CFAP61: variants seen among roughly 807,000 people sequenced by gnomAD.
The protein encoded by CFAP61 is cilia- and flagella-associated protein 61.
Under a neutral mutation model 135.6 loss-of-function variants are expected in CFAP61, and 107 were observed. The ratio of observed to expected loss-of-function variants is 0.79; its 90% CI spans 0.67 to 0.93. The LOEUF (loss-of-function observed/expected upper bound fraction) is 0.93. Among genes scored for constraint, CFAP61 ranks in the 40% least tolerant of loss-of-function variants. CFAP61 has a pLI of 0.00. For synonymous variants in CFAP61, 575 were observed against 578.5 expected, an observed-to-expected ratio of 0.99 and a Z score of 0.09; for missense variants, 1,507 against 1,556.2, an observed-to-expected ratio of 0.97 and a Z score of 0.53.
At chr20:20,277,103 C>T in intron 21 of CFAP61, 63 bp from the exon 22 acceptor site, 1 of 1,309,772 alleles carries the variant, frequency 7.6e-7, no homozygotes, top group African/African-American at 1.5e-5. Flanking sequence ...GCATTATTAG[C>T]ATTTGACTAA....
In CFAP61 at chr20:20,052,568, C is replaced by A; in HGVS notation, c.-60C>A. The A allele has an allele frequency of 6.2e-7, 1 of 1,613,884 alleles. No individual in the cohort carries two copies. Reference sequence around the variant, plus strand: ...CCTCCTTGCGGCAGCGCGTGGAGTGCGGCGTCCTGGAGCTGCGGATGAGGT... The same window carrying A: ...CCTCCTTGCGGCAGCGCGTGGAGTGAGGCGTCCTGGAGCTGCGGATGAGGT... On this transcript the variant is annotated 5_prime_UTR_variant, in exon 1 of 27. Transcript: ENST00000245957.
chr20:20,142,417 T>C (rs993472626), intron 8 of CFAP61, among the ~76,000 whole-genome samples: 10 of 152,212 alleles, frequency 6.6e-5, no homozygotes, highest in African/African-American at 1.2e-4. Context: ...TGTGGCCTTT[T>C]CCACCTTCTG....
chr20:20,355,004 GGTCACACTGCA>G lies in CFAP61; in HGVS notation c.3514-5205_3514-5195del, dbSNP rs1569329704. Among the ~76,000 whole-genome samples the G allele has an allele frequency of 9.4e-5, 13 of 138,466 alleles. 1 individual carries two copies. Among genetic ancestry groups the G allele is most frequent in the East Asian group, 2.4e-4 (1 of 4,118 alleles). The allele number at this position is 138,466 out of a possible 152,430, so 90.8% of individuals were successfully genotyped here. ...GGAGGTGGTCACACTGAGGGGAGATGGTCACACTGCAAGAGGGGAGGTGATCACACTGAGGG... is the reference window on the plus strand; with the variant it reads ...GGAGGTGGTCACACTGAGGGGAGATGAGAGGGGAGGTGATCACACTGAGGG... On this transcript the variant is annotated intron_variant, in intron 26 of 26. Coordinates refer to ENST00000245957, the MANE Select transcript of CFAP61 (RefSeq NM_015585.4).
intron 25 of CFAP61, among the ~76,000 whole-genome samples, chr20:20,318,723 T>C (rs946428206): frequency 6.6e-6 from 1 of 152,170 alleles, no homozygotes; most frequent in African/African-American, 2.4e-5. Context: ...CTGGCTCCCA[T>C]GATGTGTCTG....
At chr20:20,143,439 C>T (rs1465393615) in intron 9 of CFAP61, among the ~76,000 whole-genome samples, 1 of 152,052 alleles carries the variant, frequency 6.6e-6, no homozygotes, top group Admixed American at 6.5e-5. Context: ...GATTATGTGG[C>T]ATGGATTAGA....
chr20:20,076,567 G>A (rs2046063858), intron 6 of CFAP61, among the ~76,000 whole-genome samples: 1 of 152,202 alleles, frequency 6.6e-6, no homozygotes. Flanking sequence ...AATGTAGAGT[G>A]GCTGTTTGGA....
Position 20,359,320 on chromosome 20 carries a change from T to A in CFAP61, c.3514-890T>A, listed in dbSNP as rs1224160661. 6.6e-6 allele frequency among the ~76,000 whole-genome samples: 1 copy of A among 152,108 alleles called. No individual in the cohort carries two copies. Among genetic ancestry groups the A allele is most frequent in the Non-Finnish European group, 1.5e-5 (1 of 68,018 alleles). On this transcript the variant is annotated intron_variant, in intron 26 of 26. Coordinates refer to ENST00000245957, the MANE Select transcript of CFAP61 (RefSeq NM_015585.4). This position sits in a 1 kb window ranked among gnomAD's most constrained non-coding sequence, Gnocchi z 4.0. ...AAGAAAACTTTTCATATAGGACCTTTCAAGTAAAAAGGTTTAATCACTCCT... is the reference window on the plus strand; with the variant it reads ...AAGAAAACTTTTCATATAGGACCTTACAAGTAAAAAGGTTTAATCACTCCT...
At chr20:20,261,517 C>T (rs1387650043) in intron 20 of CFAP61, among the ~76,000 whole-genome samples, 1 of 152,172 alleles carries the variant, frequency 6.6e-6, no homozygotes, top group African/African-American at 2.4e-5. Context: ...CCTCTGCTTG[C>T]CCCCTTTTTC....
chr20:20,170,863 A>G (rs977587032), intron 13 of CFAP61, among the ~76,000 whole-genome samples: 23 of 152,342 alleles, frequency 1.5e-4, no homozygotes, highest in African/African-American at 4.6e-4. Flanking sequence ...CAATAATAGT[A>G]CAAGTACTAA....
intron 13 of CFAP61, 44 bp downstream of exon 13, chr20:20,169,504 C>T: frequency 6.6e-7 from 1 of 1,511,948 alleles, no homozygotes; most frequent in Non-Finnish European, 8.9e-7. Flanking sequence ...CATGAAATTA[C>T]AGAAGAGAAG....
intron 2 of CFAP61, among the ~76,000 whole-genome samples, chr20:20,066,306 A>G (rs1210532010): frequency 2.0e-5 from 3 of 152,200 alleles, no homozygotes; most frequent in Non-Finnish European, 4.4e-5. Context: ...ATACCACTTG[A>G]CCCAGCAATC....
intron 19 of CFAP61, among the ~76,000 whole-genome samples, chr20:20,250,086 C>A (rs2050768062): frequency 6.6e-6 from 1 of 152,132 alleles, no homozygotes; most frequent in Admixed American, 6.5e-5. Flanking sequence ...TTTCACAGGT[C>A]CTGTAACAAG....
rs542138758 is a variant in CFAP61, at chr20:20,203,875, C to T, written c.1932+3973C>T. 9.9e-5 allele frequency among the ~76,000 whole-genome samples: 15 copies of T among 152,172 alleles called. No individual in the cohort carries two copies. In the South Asian group the frequency reaches 2.3e-3, roughly 23 times the overall value. ...GCTTGTACTGGCCTCCTAGGTGACA[C>T]GAGCCCAAACTCAGGAGAAATAGCC... is the stretch of plus-strand genomic sequence containing the variant. On this transcript the variant is annotated intron_variant, in intron 17 of 26. Coordinates refer to ENST00000245957, the MANE Select transcript of CFAP61 (RefSeq NM_015585.4).
intron 22 of CFAP61, among the ~76,000 whole-genome samples, chr20:20,277,930 T>C (rs111300869): frequency 0.099 from 15,065 of 151,858 alleles, 818 homozygotes; most frequent in Middle Eastern, 0.16. Context: ...GAGGGTAGAG[T>C]GGAGAGAGAG....
chr20:20,345,217 CTAATT>C (rs1434029663), intron 26 of CFAP61, among the ~76,000 whole-genome samples: 1 of 151,678 alleles, frequency 6.6e-6, no homozygotes, highest in Non-Finnish European at 1.5e-5. Context: ...ATAGTTAACA[CTAATT>C]TATTTTATAT....
chr20:20,211,617 G>A (rs564566177), intron 17 of CFAP61, among the ~76,000 whole-genome samples: 1 of 152,274 alleles, frequency 6.6e-6, no homozygotes, highest in East Asian at 1.9e-4. Flanking sequence ...GTGCAGGCAG[G>A]CATGAGCCAT....
At chr20:20,315,047 T>C (rs2057048818) in intron 25 of CFAP61, among the ~76,000 whole-genome samples, 1 of 129,702 alleles carries the variant, frequency 7.7e-6, no homozygotes, top group African/African-American at 3.1e-5. Context: ...TTTGGGTATA[T>C]ACCCAGTAAT....
In CFAP61 at chr20:20,359,150, C is replaced by T. The variant is rs562973153; in HGVS notation, c.3514-1060C>T. On this transcript the variant is annotated intron_variant, in intron 26 of 26. Transcript: ENST00000245957. The surrounding 1 kb of genome is among the most constrained non-coding windows in gnomAD (Gnocchi z 4.0). Reference sequence around the variant, plus strand: ...AAATGTTAGGAAAATCTCTACTACACTGTACCTATGTGCAGCATAAGATTC... The same window carrying T: ...AAATGTTAGGAAAATCTCTACTACATTGTACCTATGTGCAGCATAAGATTC... Among the ~76,000 whole-genome samples the T allele has an allele frequency of 7.9e-5, 12 of 152,346 alleles. No individual in the cohort carries two copies. In the South Asian group the frequency reaches 2.5e-3, roughly 32 times the overall value.
intron 9 of CFAP61, among the ~76,000 whole-genome samples, chr20:20,145,231 A>T (rs73113697): frequency 0.13 from 19,470 of 152,200 alleles, 1,424 homozygotes; most frequent in Non-Finnish European, 0.15. Flanking sequence ...AAAATGTATG[A>T]CAAGAATAGC....
Sources: gnomAD v4.1 joint callset for allele counts (sites outside exome capture counted in the v4.1 genomes callset) on GRCh38, gnomAD v4.1.1 for gene constraint, Gnocchi (gnomAD v3.1) non-coding constraint, MANE v1.5 for transcripts, NCBI Gene and HGNC (gene_info 2026-07-23, HGNC 2026-07-21) for gene names.